CCL28: variants seen among roughly 807,000 people sequenced by gnomAD.
CCL28 encodes the protein C-C motif chemokine ligand 28, also known as C-C motif chemokine 28.
Under a neutral mutation model 7.1 loss-of-function variants are expected in CCL28, and 4 were observed. The ratio of observed to expected loss-of-function variants is 0.56; its 90% confidence interval spans 0.28 to 1.29. The LOEUF is 1.29. Among genes scored for constraint, CCL28 ranks in the 50% most tolerant of loss-of-function variants. The pLI, the probability that CCL28 is intolerant of heterozygous loss-of-function variation, is 0.11. For synonymous variants in CCL28, 55 were observed against 57.8 expected (o/e 0.95, Z 0.22); for missense variants, 151 against 163.4 (o/e 0.92, Z 0.41).
chr5:43,395,719 TTTA>T (rs564063858), intron 1 of CCL28, among the ~76,000 whole-genome samples: 39 of 152,004 alleles, frequency 2.6e-4, no homozygotes, highest in Non-Finnish European at 5.1e-4. Flanking sequence ...TGAAAGCAAG[TTTA>T]TTAAGAAAGC....
the CCL28 span, among the ~76,000 whole-genome samples, chr5:43,363,121 A>C: frequency 5.0e-4 from 76 of 152,288 alleles, no homozygotes; most frequent in Non-Finnish European, 7.8e-4. Context: ...CTGATAGTCC[A>C]AGAATTCAGT....
At chr5:43,396,997 C>G (rs968606401) in intron 1 of CCL28, 4 of 152,300 alleles carry the variant, frequency 2.6e-5, no homozygotes, top group African/African-American at 9.6e-5. Flanking sequence ...CCGCCCTTCC[C>G]GCCTCTGCGC....
chr5:43,389,820 C>T (rs749393656), intron 1 of CCL28, among the ~76,000 whole-genome samples: 1 of 152,094 alleles, frequency 6.6e-6, no homozygotes, highest in African/African-American at 2.4e-5. Context: ...CTAGTGCCCT[C>T]CAGAGGAAGC....
chr5:43,364,581 T>C, the CCL28 span, among the ~76,000 whole-genome samples: 4 of 152,100 alleles, frequency 2.6e-5, no homozygotes, highest in African/African-American at 9.7e-5. Context: ...AATAATTTTA[T>C]CATAGAATGT....
At chr5:43,362,393 C>T in the CCL28 span, among the ~76,000 whole-genome samples, 1 of 152,114 alleles carries the variant, frequency 6.6e-6, no homozygotes, top group Non-Finnish European at 1.5e-5. Flanking sequence ...TGGGCCAAGA[C>T]TATGGGGTTT....
At chr5:43,401,037 C>A (rs1021238225) in intron 1 of CCL28, among the ~76,000 whole-genome samples, 14 of 150,284 alleles carry the variant, frequency 9.3e-5, no homozygotes, top group Admixed American at 9.3e-4. Context: ...GAGCAGAGAC[C>A]ACGCCACTGC....
chr5:43,377,716 A>AATTTTTTTTTTTTTTTT (rs1561151287), downstream of CCL28, among the ~76,000 whole-genome samples: 1 of 45,660 alleles, frequency 2.2e-5, no homozygotes, highest in Non-Finnish European at 4.3e-5. Flanking sequence ...TAGAACTTAA[A>AATTTTTTTTTTTTTTTT]CTTTTTTTTT....
intron 1 of CCL28, among the ~76,000 whole-genome samples, chr5:43,401,417 AT>A (rs771446382): frequency 2.6e-5 from 4 of 152,216 alleles, no homozygotes; most frequent in Non-Finnish European, 5.9e-5. Context: ...GGTTTGGATA[AT>A]TGTGTGCCAT....
chr5:43,364,487 T>C, the CCL28 span, among the ~76,000 whole-genome samples: 1 of 152,204 alleles, frequency 6.6e-6, no homozygotes, highest in African/African-American at 2.4e-5. Flanking sequence ...TACAATGTGT[T>C]GATAAAAATA....
At chr5:43,400,633 A>G (rs989387558) in intron 1 of CCL28, among the ~76,000 whole-genome samples, 2 of 152,222 alleles carry the variant, frequency 1.3e-5, no homozygotes, top group African/African-American at 4.8e-5. Flanking sequence ...TAGAAATGCA[A>G]TTTGAAAGGC....
chr5:43,402,975 C>A (rs1579747719), intron 1 of CCL28, among the ~76,000 whole-genome samples: 1 of 152,194 alleles, frequency 6.6e-6, no homozygotes, highest in African/African-American at 2.4e-5. Flanking sequence ...GGGCGTCTGC[C>A]ATTGCTGAGG....
chr5:43,389,643 G>A lies in CCL28; in HGVS notation c.65-1167C>T, dbSNP rs540475891. ...CTGATATCAATTCAAACAGTCTTAA[G>A]CCAGAAGAGTACCGGGGGCCTATAT... On this transcript the variant is annotated intron_variant, in intron 1 of 2. Coordinates refer to ENST00000361115, the MANE Select transcript of CCL28 (RefSeq NM_148672.3). Among the ~76,000 whole-genome samples the A allele has an allele frequency of 2.3e-3, 345 of 152,306 alleles. 2 individuals carry two copies. The highest frequency in any genetic ancestry group is 7.4e-3 in the African/African-American group (308 of 41,564).
At chr5:43,390,540 T>G (rs1740529566) in intron 1 of CCL28, among the ~76,000 whole-genome samples, 1 of 152,204 alleles carries the variant, frequency 6.6e-6, no homozygotes, top group Non-Finnish European at 1.5e-5. Flanking sequence ...TGAAAAGTGA[T>G]TTGTGAGATC....
At chr5:43,357,812 A>T in the CCL28 span, among the ~76,000 whole-genome samples, 4 of 152,204 alleles carry the variant, frequency 2.6e-5, no homozygotes, top group East Asian at 7.7e-4. Flanking sequence ...TGACTGCAAG[A>T]CAGGGGCATG....
At chr5:43,402,143 A>G (rs752351915) in intron 1 of CCL28, among the ~76,000 whole-genome samples, 3 of 152,172 alleles carry the variant, frequency 2.0e-5, no homozygotes, top group Admixed American at 6.5e-5. Flanking sequence ...TTGTTGAGCC[A>G]TGGCTGGATC....
chr5:43,403,417 C>T (rs543111264), intron 1 of CCL28, among the ~76,000 whole-genome samples: 45 of 152,314 alleles, frequency 3.0e-4, no homozygotes, highest in African/African-American at 9.4e-4. Flanking sequence ...AGTGGACCTC[C>T]AGCAAACTCC....
At chr5:43,394,151 T>G (rs899899532) in intron 1 of CCL28, among the ~76,000 whole-genome samples, 2 of 152,202 alleles carry the variant, frequency 1.3e-5, no homozygotes, top group Non-Finnish European at 2.9e-5. Context: ...TACACATAGG[T>G]CTGCTTCTGG....
chr5:43,366,084 T>C, the CCL28 span, among the ~76,000 whole-genome samples: 4 of 152,348 alleles, frequency 2.6e-5, no homozygotes, highest in Admixed American at 2.6e-4. Flanking sequence ...TCAAGGGTCT[T>C]AGCTACCTTG....
At chr5:43,406,853 A>C (rs1229152085) in intron 1 of CCL28, among the ~76,000 whole-genome samples, 1 of 152,220 alleles carries the variant, frequency 6.6e-6, no homozygotes, top group East Asian at 1.9e-4. Context: ...AATAACAGAC[A>C]AACAGAGAGC....
Sources: gnomAD v4.1 joint callset for allele counts (sites outside exome capture counted in the v4.1 genomes callset) on GRCh38, gnomAD v4.1.1 for gene constraint, MANE v1.5 for transcripts, NCBI Gene and HGNC (gene_info 2026-07-23, HGNC 2026-07-21) for gene names.